Variants in PTCHD4 observed in about 807,000 individuals in gnomAD.
PTCHD4 encodes the protein patched domain containing 4, also known as patched domain-containing protein 4.
In PTCHD4, 33 loss-of-function variants were observed where a neutral mutation model predicts 58.1. The ratio of observed to expected loss-of-function variants is 0.57; its 90% CI spans 0.43 to 0.76. The LOEUF (loss-of-function observed/expected upper bound fraction) is 0.76, where lower values mean the gene tolerates loss of function less well. Among genes scored for constraint, PTCHD4 ranks in the 30% least tolerant of loss-of-function variants. The probability of loss-of-function intolerance (pLI) is 0.00; values close to 1 mark genes in which losing one functional copy is unlikely to be tolerated. For synonymous variants in PTCHD4, 478 were observed against 409.6 expected (o/e 1.17, Z -2.02); for missense variants, 1,058 against 1,027.1 (o/e 1.03, Z -0.41).
chr6:48,066,317 T>C (rs1043758778), intron 3 of PTCHD4, among the ~76,000 whole-genome samples: 14 of 152,114 alleles, frequency 9.2e-5, no homozygotes, highest in Non-Finnish European at 1.9e-4. Flanking sequence ...TATTACCAGA[T>C]AAACAAAATC....
At position 47,868,940 on chromosome 6, in the gene PTCHD4, T is replaced by C. The variant is rs1561928617; in HGVS notation, c.*9363A>G. On this transcript the variant is annotated 3_prime_UTR_variant, in exon 5 of 5. Coordinates refer to ENST00000339488, the MANE Select transcript of PTCHD4 (RefSeq NM_001384253.1). ...CAGGAAAGACATAAAGGCATCCTTG[T>C]TTTTAAGAAAACATACGGCAAACTA... Among the ~76,000 whole-genome samples the C allele has an allele frequency of 1.3e-5, 2 of 151,736 alleles. No individual in the cohort carries two copies. Among genetic ancestry groups the C allele is most frequent in the Non-Finnish European group, 3.0e-5 (2 of 67,792 alleles).
chr6:47,972,476 A>G (rs546154346), intron 4 of PTCHD4, among the ~76,000 whole-genome samples: 206 of 152,260 alleles, frequency 1.4e-3, no homozygotes, highest in Non-Finnish European at 1.0e-3. Context: ...AAACTGTACA[A>G]TCTCCTAATG....
At chr6:47,948,890 A>G (rs972710496) in intron 4 of PTCHD4, among the ~76,000 whole-genome samples, 11 of 152,172 alleles carry the variant, frequency 7.2e-5, no homozygotes, top group Admixed American at 3.3e-4. Flanking sequence ...CTCCACTTTT[A>G]TTGAATTACT....
intron 1 of PTCHD4, among the ~76,000 whole-genome samples, chr6:48,110,345 T>C (rs1765839899): frequency 6.6e-6 from 1 of 152,164 alleles, no homozygotes; most frequent in Non-Finnish European, 1.5e-5. Flanking sequence ...GACACTTTGC[T>C]AAGTGAAATA....
At chr6:48,101,598 C>T (rs1765604302) in intron 1 of PTCHD4, among the ~76,000 whole-genome samples, 1 of 152,030 alleles carries the variant, frequency 6.6e-6, no homozygotes, top group South Asian at 2.1e-4. Context: ...TCCCCTTTTC[C>T]CTGTTCAGGT....
intron 1 of PTCHD4, among the ~76,000 whole-genome samples, chr6:48,099,297 G>T (rs760648842): frequency 1.3e-5 from 2 of 152,188 alleles, no homozygotes; most frequent in Admixed American, 6.5e-5. Flanking sequence ...GTGGTAACGG[G>T]CCTTGAAGAA....
rs149344150 is a variant in PTCHD4, at chr6:48,065,616, G to A, written c.417+2614C>T. On this transcript the variant is annotated intron_variant, in intron 3 of 4. Coordinates refer to ENST00000339488, the MANE Select transcript of PTCHD4 (RefSeq NM_001384253.1). ...AGTTCTGATCCTGGGAGCCCCTGGAGAGCCTTTGACAAGATTCTAGGCATC... is the reference window on the plus strand; with the variant it reads ...AGTTCTGATCCTGGGAGCCCCTGGAAAGCCTTTGACAAGATTCTAGGCATC... 1.5e-3 allele frequency among the ~76,000 whole-genome samples: 233 copies of A among 152,244 alleles called. 1 individual carries two copies. Among genetic ancestry groups the A allele is most frequent in the African/African-American group, 5.2e-3 (217 of 41,546 alleles).
intron 4 of PTCHD4, among the ~76,000 whole-genome samples, chr6:47,963,931 C>T (rs1317236585): frequency 6.6e-6 from 1 of 152,186 alleles, no homozygotes; most frequent in African/African-American, 2.4e-5. Context: ...GACTGTGGAA[C>T]TTAAAGGTTT....
intron 4 of PTCHD4, among the ~76,000 whole-genome samples, chr6:47,889,720 C>T (rs1340519412): frequency 6.6e-6 from 1 of 151,170 alleles, no homozygotes. Flanking sequence ...GGATTAAAGA[C>T]TTAAATGTTA....
At chr6:48,052,893 A>G (rs1413470866) in intron 3 of PTCHD4, among the ~76,000 whole-genome samples, 2 of 152,092 alleles carry the variant, frequency 1.3e-5, no homozygotes, top group Non-Finnish European at 2.9e-5. Flanking sequence ...AAAAATAATA[A>G]AAGAGGGAGT....
rs1763955136 is a variant in PTCHD4, at chr6:47,879,529, T to G, written c.1306A>C (p.Asn436His). ...TGAATGAAGTGGTGCTGGTAGGGGT[T>G]CGTCTCATGATGGGACGTCTGTTGA... ...GHQQTSHHET[N>H]PYQHHFIQHF... The change falls in exon 5 of 5, where the codon AAC becomes CAC. Residue 436 changes from asparagine to histidine, a missense_variant. Asn to His is a moderately conservative substitution (Grantham distance 68). Coordinates refer to ENST00000339488, the MANE Select transcript of PTCHD4 (RefSeq NM_001384253.1). 6.2e-6 allele frequency: 10 copies of G among 1,613,818 alleles called. No homozygotes were observed. Among genetic ancestry groups the G allele is most frequent in the Non-Finnish European group, 8.5e-6 (10 of 1,179,786 alleles).
rs117715174 is a variant in PTCHD4 at position 48,092,155 on chromosome 6, T to C, written c.-970+18894A>G. Among the ~76,000 whole-genome samples, 8 of 152,310 alleles carry C rather than the reference T, an allele frequency of 5.3e-5. No homozygotes were observed. The East Asian group carries it at 1.4e-3, about 26-fold the overall frequency. On this transcript the variant is annotated intron_variant, in intron 1 of 4. Coordinates refer to ENST00000339488, the MANE Select transcript of PTCHD4 (RefSeq NM_001384253.1). Reference sequence around the variant, plus strand: ...AAAAATGATTCTCTGAGTTCAGTGGTTTTAATTCTAATTTTCCCATTCCAT... The same window carrying C: ...AAAAATGATTCTCTGAGTTCAGTGGCTTTAATTCTAATTTTCCCATTCCAT...
chr6:48,067,840 G>A (rs1190209479), intron 3 of PTCHD4, among the ~76,000 whole-genome samples: 2 of 150,136 alleles, frequency 1.3e-5, no homozygotes, highest in Non-Finnish European at 3.0e-5. Flanking sequence ...TTTTATTTTT[G>A]GTATTTGTTT....
At chr6:47,951,416 G>A (rs1441490199) in intron 4 of PTCHD4, among the ~76,000 whole-genome samples, 1 of 152,166 alleles carries the variant, frequency 6.6e-6, no homozygotes, top group African/African-American at 2.4e-5. Context: ...ATTGGAGGAT[G>A]TGTGACTAGT....
intron 3 of PTCHD4, among the ~76,000 whole-genome samples, chr6:48,047,025 T>C (rs184343817): frequency 2.5e-4 from 38 of 152,002 alleles, no homozygotes; most frequent in Non-Finnish European, 4.0e-4. Context: ...GGATTCACTA[T>C]GAGAGCCTGA....
At chr6:47,882,216 A>G (rs1156890149) in intron 4 of PTCHD4, among the ~76,000 whole-genome samples, 2 of 152,118 alleles carry the variant, frequency 1.3e-5, no homozygotes, top group African/African-American at 4.8e-5. Flanking sequence ...AAGGTGGGGA[A>G]AGGCTACATA....
At chr6:47,913,991 T>C (rs1217419046) in intron 4 of PTCHD4, among the ~76,000 whole-genome samples, 1 of 152,156 alleles carries the variant, frequency 6.6e-6, no homozygotes, top group African/African-American at 2.4e-5. Flanking sequence ...TGTACAAGTG[T>C]TAACATAATA....
At chr6:47,893,106 GT>G (rs1236506095) in intron 4 of PTCHD4, among the ~76,000 whole-genome samples, 1 of 152,186 alleles carries the variant, frequency 6.6e-6, no homozygotes, top group Non-Finnish European at 1.5e-5. Context: ...TGCCTCCCGG[GT>G]TCAAGCGATT....
chr6:47,959,812 A>T (rs1362328775), intron 4 of PTCHD4, among the ~76,000 whole-genome samples: 1 of 152,034 alleles, frequency 6.6e-6, no homozygotes, highest in Non-Finnish European at 1.5e-5. Context: ...ATCTACAGAA[A>T]ATATCAAAGA....
Sources: gnomAD v4.1 joint callset for allele counts (sites outside exome capture counted in the v4.1 genomes callset) on GRCh38, gnomAD v4.1.1 for gene constraint, MANE v1.5 for transcripts, NCBI Gene and HGNC (gene_info 2026-07-23, HGNC 2026-07-21) for gene names.